The following BRI3 variants were observed in gnomAD, a reference collection of about 807,000 sequenced individuals.
The protein encoded by BRI3 is brain protein I3, also known as membrane protein BRI3.
A neutral mutation model predicts 12.8 loss-of-function variants in BRI3; 6 were observed. The ratio of observed to expected loss-of-function variants is 0.47; its 90% CI spans 0.26 to 0.93. The LOEUF (loss-of-function observed/expected upper bound fraction) is 0.93, where lower values mean the gene tolerates loss of function less well. BRI3 is among the 40% of genes least tolerant of loss of function. The pLI is 0.15. For missense variants in BRI3, 134 were observed against 171.1 expected, an observed-to-expected ratio of 0.78 and a Z score of 1.21; for synonymous variants, 91 against 76.1, an observed-to-expected ratio of 1.20 and a Z score of -1.02.
downstream of BRI3, chr7:98,292,884 C>T (rs911837892): frequency 3.3e-5 from 48 of 1,436,462 alleles, 1 homozygote; most frequent in South Asian, 1.2e-4. Context: ...GAGGAGATTT[C>T]GTCGAGTGCT....
chr7:98,284,657 G>A (rs1363537430), intron 2 of BRI3, among the ~76,000 whole-genome samples: 1 of 152,238 alleles, frequency 6.6e-6, no homozygotes, highest in African/African-American at 2.4e-5. Flanking sequence ...ATTTGCCCAA[G>A]TCACACATCT....
intron 1 of BRI3, among the ~76,000 whole-genome samples, chr7:98,299,856 C>A (rs1800349541): frequency 6.6e-6 from 1 of 151,922 alleles, no homozygotes; most frequent in Admixed American, 6.6e-5. Flanking sequence ...GCCTGGCCAA[C>A]ATGGTGAAAC....
chr7:98,292,051 T>C (rs1799979870), downstream of BRI3: 1 of 153,618 alleles, frequency 6.5e-6, no homozygotes, highest in African/African-American at 2.4e-5. Context: ...AGCCCCTTCA[T>C]GGTGGGGGTG....
exon 2 of BRI3, chr7:98,309,685 T>G (rs1190278956): frequency 2.0e-5 from 3 of 152,266 alleles, no homozygotes; most frequent in Non-Finnish European, 4.4e-5. Context: ...TCCAGGGCTC[T>G]CTCTCACAAA....
intron 1 of BRI3, among the ~76,000 whole-genome samples, chr7:98,299,988 C>G (rs1281344565): frequency 6.6e-6 from 1 of 152,168 alleles, no homozygotes. Context: ...TTGCTGTGAA[C>G]CAAGATCATG....
upstream of BRI3, among the ~76,000 whole-genome samples, chr7:98,303,723 C>T (rs1010858351): frequency 1.6e-4 from 25 of 152,184 alleles, no homozygotes; most frequent in South Asian, 1.5e-3. Context: ...TCAGGGTTAT[C>T]GTTAACCCTA....
At chr7:98,310,586 T>C, downstream of BRI3, 1 of 1,568,058 alleles carries the variant, frequency 6.4e-7, no homozygotes. Flanking sequence ...TCGTAATCTT[T>C]CCTAACCTGT....
At position 98,286,205 on chromosome 7, in the gene BRI3, G is replaced by A. The variant is rs141692673; in HGVS notation, c.245+3752G>A. Among the ~76,000 whole-genome samples the A allele has an allele frequency of 5.9e-3, 896 of 152,232 alleles. 18 individuals are homozygous for A. Among genetic ancestry groups the A allele is most frequent in the African/African-American group, 0.02 (842 of 41,546 alleles). ...TCAGCCTCCTGTAAAGTGCCTGTGG[G>A]GACACAGGGAGGGCGAGGATGGCCT... On this transcript the variant is annotated intron_variant, in intron 2 of 2. Coordinates refer to ENST00000297290, the MANE Select transcript of BRI3 (RefSeq NM_015379.5).
At chr7:98,317,494 G>A in the BRI3 span, 1 of 1,122,004 alleles carries the variant, frequency 8.9e-7, no homozygotes, top group Non-Finnish European at 1.3e-6. Flanking sequence ...CACACTGGCT[G>A]GGGCCCCCAC....
At chr7:98,313,142 T>C (rs58256580), downstream of BRI3, among the ~76,000 whole-genome samples, 1 of 16,298 alleles carries the variant, frequency 6.1e-5, no homozygotes, top group Admixed American at 5.8e-4. Context: ...CCCCCAACTG[T>C]CACCCCACCC....
upstream of BRI3, chr7:98,304,396 C>T (rs769884550): frequency 9.3e-6 from 15 of 1,612,994 alleles, no homozygotes; most frequent in East Asian, 2.7e-4. Context: ...AAAAAGGACA[C>T]AGCACGTGTT....
upstream of BRI3, among the ~76,000 whole-genome samples, chr7:98,305,047 G>T (rs376244353): frequency 2.1e-3 from 213 of 100,366 alleles, 1 homozygote; most frequent in South Asian, 8.5e-3. Context: ...TTTGTTTTTT[G>T]TTTTTTTTTT....
upstream of BRI3, among the ~76,000 whole-genome samples, chr7:98,304,558 A>AT (rs895013068): frequency 2.6e-4 from 39 of 151,920 alleles, no homozygotes; most frequent in African/African-American, 8.2e-4. Context: ...TATTTTTTAA[A>AT]TTTTTTTGCG....
At chr7:98,322,461 C>T in the BRI3 span, among the ~76,000 whole-genome samples, 111 of 152,282 alleles carry the variant, frequency 7.3e-4, no homozygotes, top group African/African-American at 2.4e-3. Flanking sequence ...ATCAACTTCT[C>T]GCCCATGTGT....
upstream of BRI3, among the ~76,000 whole-genome samples, chr7:98,305,433 A>G (rs768774742): frequency 2.0e-5 from 3 of 152,194 alleles, no homozygotes; most frequent in South Asian, 2.1e-4. Context: ...TGAAGATTGC[A>G]GACAGCATCA....
At chr7:98,290,277 G>A (rs1168311926) in intron 2 of BRI3, among the ~76,000 whole-genome samples, 2 of 140,186 alleles carry the variant, frequency 1.4e-5, no homozygotes, top group African/African-American at 2.7e-5. Context: ...CTCACTGCAA[G>A]CTCCGCTTCC....
At chr7:98,308,084 G>C (rs1390247482) in exon 2 of BRI3, 1 of 706,710 alleles carries the variant, frequency 1.4e-6, no homozygotes, top group African/African-American at 1.7e-5. Flanking sequence ...TTGAGAAACA[G>C]AGGCAGCGTG....
At chr7:98,310,687 T>TATTTATTTA, downstream of BRI3, 1 of 777,608 alleles carries the variant, frequency 1.3e-6, no homozygotes, top group Non-Finnish European at 1.8e-6. Flanking sequence ...AATAATAGGC[T>TATTTATTTA]ATTTATTTAT....
the BRI3 span, chr7:98,323,153 G>A: frequency 6.6e-6 from 1 of 152,182 alleles, no homozygotes; most frequent in East Asian, 1.9e-4. Flanking sequence ...TTCCAGAACG[G>A]GGCATGAGAA....
Sources: allele counts gnomAD v4.1 joint callset (sites outside exome capture counted in the v4.1 genomes callset), GRCh38; gene constraint gnomAD v4.1.1; transcripts MANE v1.5; gene names NCBI Gene and HGNC (gene_info 2026-07-23, HGNC 2026-07-21).